Variants in MRTFA observed in about 807,000 individuals in gnomAD.
MRTFA encodes myocardin related transcription factor A, also known as myocardin-related transcription factor A.
In MRTFA, 20 loss-of-function variants were observed where a neutral mutation model predicts 83.5. The ratio of observed to expected loss-of-function variants is 0.24; its 90% CI spans 0.17 to 0.35. MRTFA has a LOEUF of 0.35. Among genes scored for constraint, MRTFA ranks in the 10% least tolerant of loss-of-function variants. MRTFA has a pLI of 1.00. For synonymous variants in MRTFA, 659 were observed against 541.2 expected (o/e 1.22, Z -3.02); for missense variants, 1,200 against 1,224.7 (o/e 0.98, Z 0.30).
intron 1 of MRTFA, among the ~76,000 whole-genome samples, chr22:40,595,803 C>G (rs766704032): frequency 6.6e-6 from 1 of 150,704 alleles, no homozygotes; most frequent in Non-Finnish European, 1.5e-5. Context: ...GAAAGTCTTT[C>G]CAGGCAAGGA....
At chr22:40,487,452 G>A (rs1350551513) in intron 3 of MRTFA, among the ~76,000 whole-genome samples, 1 of 152,072 alleles carries the variant, frequency 6.6e-6, no homozygotes, top group Non-Finnish European at 1.5e-5. Context: ...CAAGCTTAGA[G>A]CAACTTAGCC....
At chr22:40,635,209 G>C (rs1218408937) in intron 1 of MRTFA, among the ~76,000 whole-genome samples, 1 of 152,154 alleles carries the variant, frequency 6.6e-6, no homozygotes, top group Non-Finnish European at 1.5e-5. Context: ...CAGTCATAGG[G>C]CTGTGGGCCA....
At chr22:40,521,502 T>TA (rs2054865603) in intron 3 of MRTFA, among the ~76,000 whole-genome samples, 1 of 151,590 alleles carries the variant, frequency 6.6e-6, no homozygotes, top group African/African-American at 2.4e-5. Flanking sequence ...ATTAATTAAT[T>TA]AATTAATTAA....
At chr22:40,464,507 TA>T (rs571765005) in intron 3 of MRTFA, among the ~76,000 whole-genome samples, 354 of 128,664 alleles carry the variant, frequency 2.8e-3, no homozygotes, top group African/African-American at 2.6e-3. Flanking sequence ...AGACCCCGTC[TA>T]AAAAAAAAAA....
chr22:40,591,641 T>G (rs2147378123), intron 2 of MRTFA, among the ~76,000 whole-genome samples: 1 of 152,298 alleles, frequency 6.6e-6, no homozygotes, highest in African/African-American at 2.4e-5. Context: ...ACAAAATTAC[T>G]AAAAATAAAC....
At chr22:40,520,328 G>A (rs947507430) in intron 3 of MRTFA, among the ~76,000 whole-genome samples, 4 of 151,984 alleles carry the variant, frequency 2.6e-5, no homozygotes, top group Non-Finnish European at 5.9e-5. Context: ...TTCCTGTTCT[G>A]GACATTTCAT....
At chr22:40,577,731 C>T (rs1349647148) in intron 2 of MRTFA, among the ~76,000 whole-genome samples, 2 of 151,824 alleles carry the variant, frequency 1.3e-5, no homozygotes, top group African/African-American at 4.8e-5. Flanking sequence ...CTCAGCCTCC[C>T]GAGTAGCTGG....
chr22:40,553,340 A>C (rs943125786), intron 2 of MRTFA, among the ~76,000 whole-genome samples: 1 of 152,244 alleles, frequency 6.6e-6, no homozygotes, highest in African/African-American at 2.4e-5. Context: ...GGCATGTCAC[A>C]GACCTTCACA....
At chr22:40,605,549 G>A (rs1377903493) in intron 1 of MRTFA, among the ~76,000 whole-genome samples, 1 of 152,186 alleles carries the variant, frequency 6.6e-6, no homozygotes, top group African/African-American at 2.4e-5. Flanking sequence ...ACCACCGCAG[G>A]TAAGAGTTTT....
intron 1 of MRTFA, among the ~76,000 whole-genome samples, chr22:40,631,461 A>T (rs2056641019): frequency 6.6e-6 from 1 of 152,202 alleles, no homozygotes; most frequent in South Asian, 2.1e-4. Flanking sequence ...CAGAGAATAT[A>T]AAGTAGCAAG....
chr22:40,524,148 A>G (rs2054919980), intron 3 of MRTFA, among the ~76,000 whole-genome samples: 1 of 152,184 alleles, frequency 6.6e-6, no homozygotes, highest in Admixed American at 6.5e-5. Flanking sequence ...AAATTTTTTT[A>G]GCTGGGCCTA....
chr22:40,470,721 G>C (rs560156526), intron 3 of MRTFA, among the ~76,000 whole-genome samples: 4 of 152,056 alleles, frequency 2.6e-5, no homozygotes, highest in Admixed American at 2.6e-4. Flanking sequence ...CGCCGAGAAA[G>C]GCAGATCACC....
At chr22:40,529,213 C>A (rs1271625624) in intron 3 of MRTFA, among the ~76,000 whole-genome samples, 1 of 152,024 alleles carries the variant, frequency 6.6e-6, no homozygotes, top group Non-Finnish European at 1.5e-5. Context: ...ACATACAGTG[C>A]AGAAACAAAC....
At chr22:40,463,126 C>T (rs2053744344) in intron 4 of MRTFA, 95 bp downstream of exon 4, 8 of 1,081,166 alleles carry the variant, frequency 7.4e-6, no homozygotes, top group Non-Finnish European at 1.1e-5. Flanking sequence ...ACGCATCATC[C>T]TTGTTTTATG....
chr22:40,581,298 T>G (rs895208798), intron 2 of MRTFA, among the ~76,000 whole-genome samples: 2 of 152,198 alleles, frequency 1.3e-5, no homozygotes, highest in Admixed American at 6.5e-5. Context: ...TTAAAACACG[T>G]GTACATGTTT....
At chr22:40,446,578 A>C (rs1284476482) in intron 4 of MRTFA, among the ~76,000 whole-genome samples, 1 of 152,224 alleles carries the variant, frequency 6.6e-6, no homozygotes, top group East Asian at 1.9e-4. Context: ...GTAAGCTTCA[A>C]GAAAAAGCCT....
chr22:40,628,865 C>T (rs1220948817), intron 1 of MRTFA, among the ~76,000 whole-genome samples: 4 of 152,186 alleles, frequency 2.6e-5, no homozygotes, highest in Non-Finnish European at 5.9e-5. Context: ...AACCACAGAA[C>T]TGAAGGCAAC....
intron 7 of MRTFA, among the ~76,000 whole-genome samples, chr22:40,425,977 G>T (rs886775382): frequency 6.6e-6 from 1 of 152,188 alleles, no homozygotes; most frequent in Non-Finnish European, 1.5e-5. Flanking sequence ...TTGGAGCCCA[G>T]TGAATGCTCT....
chr22:40,472,015 T>C (rs1369886889), intron 3 of MRTFA, among the ~76,000 whole-genome samples: 1 of 152,186 alleles, frequency 6.6e-6, no homozygotes, highest in Non-Finnish European at 1.5e-5. Flanking sequence ...AAAACAAAAC[T>C]ACAGGTGAAT....
Sources: gnomAD v4.1 joint callset for allele counts (sites outside exome capture counted in the v4.1 genomes callset) on GRCh38, gnomAD v4.1.1 for gene constraint, MANE v1.5 for transcripts, NCBI Gene and HGNC (gene_info 2026-07-23, HGNC 2026-07-21) for gene names.